The following C12orf42 variants were observed in gnomAD, a reference collection of about 807,000 sequenced individuals.
C12orf42 encodes chromosome 12 open reading frame 42.
C12orf42 carries 25 observed loss-of-function variants against 21.6 expected under a neutral mutation model. The ratio of observed to expected loss-of-function variants is 1.16; its 90% CI spans 0.84 to 1.62. C12orf42 has a LOEUF of 1.62. Among genes scored for constraint, C12orf42 ranks in the 40% most tolerant of loss-of-function variants. C12orf42 has a pLI of 0.00. For missense variants in C12orf42, 483 were observed against 459.3 expected, an observed-to-expected ratio of 1.05 and a Z score of -0.47; for synonymous variants, 174 against 175.0, an observed-to-expected ratio of 0.99 and a Z score of 0.05.
intron 3 of C12orf42, among the ~76,000 whole-genome samples, chr12:103,375,781 T>A (rs1382556467): frequency 1.3e-5 from 2 of 152,194 alleles, no homozygotes; most frequent in Non-Finnish European, 2.9e-5. Context: ...CCACAAATTA[T>A]GTAGCTTGCC....
intron 4 of C12orf42, among the ~76,000 whole-genome samples, chr12:103,279,221 G>A (rs1049210800): frequency 6.6e-6 from 1 of 152,092 alleles, no homozygotes; most frequent in Non-Finnish European, 1.5e-5. Context: ...CAAGTTAAGT[G>A]TTCTTACTGC....
Position 103,369,021 on chromosome 12 carries a change from A to G in C12orf42, c.148-23T>C, listed in dbSNP as rs79550716. ...GTGCTGTAAGATAGAGGAGAAAAAT[A>G]CACACAAAAAAATTAGGTCAATGGC... On this transcript the variant is annotated intron_variant, in intron 3 of 5. Transcript: ENST00000548883. The G allele has an allele frequency of 3.2e-3, 4,399 of 1,383,862 alleles. 131 individuals are homozygous for G. In the African/African-American group the frequency reaches 0.056, roughly 18 times the overall value. The allele number at this position is 1,383,862 out of a possible 1,614,324, so 85.7% of individuals were successfully genotyped here.
chr12:103,353,889 A>G (rs1240958495), intron 4 of C12orf42, among the ~76,000 whole-genome samples: 1 of 152,168 alleles, frequency 6.6e-6, no homozygotes, highest in Non-Finnish European at 1.5e-5. Flanking sequence ...CACAAGCTTT[A>G]GTGTGAGAGG....
chr12:103,071,130 T>A, the C12orf42 span, among the ~76,000 whole-genome samples: 8 of 152,126 alleles, frequency 5.3e-5, no homozygotes, highest in Non-Finnish European at 7.3e-5. Flanking sequence ...TAATTCACAC[T>A]CAAATTGCTT....
chr12:103,374,963 C>T (rs559940893), intron 3 of C12orf42, among the ~76,000 whole-genome samples: 13 of 152,264 alleles, frequency 8.5e-5, no homozygotes, highest in East Asian at 3.9e-4. Flanking sequence ...AGGTAATTTA[C>T]GTATTCCAGA....
At chr12:103,526,746 T>C in the C12orf42 span, among the ~76,000 whole-genome samples, 489 of 152,296 alleles carry the variant, frequency 3.2e-3, 3 homozygotes, top group Non-Finnish European at 4.8e-3. Context: ...AAAAGAAAGC[T>C]GTTAACAAGG....
the C12orf42 span, among the ~76,000 whole-genome samples, chr12:103,529,449 T>C: frequency 2.6e-5 from 4 of 152,226 alleles, no homozygotes; most frequent in Admixed American, 1.3e-4. Context: ...GTTAATGAAC[T>C]ATTTCAACAG....
chr12:103,219,818 G>A, the C12orf42 span, among the ~76,000 whole-genome samples: 1 of 152,188 alleles, frequency 6.6e-6, no homozygotes, highest in African/African-American at 2.4e-5. Flanking sequence ...TGGTGGAAGT[G>A]TAAATTAGTT....
chr12:103,517,336 C>T, the C12orf42 span, among the ~76,000 whole-genome samples: 2 of 152,158 alleles, frequency 1.3e-5, no homozygotes, highest in African/African-American at 4.8e-5. Flanking sequence ...TTGTCCCTTC[C>T]ATCTGTGAGT....
chr12:103,458,276 C>A (rs1190996858), intron 2 of C12orf42, among the ~76,000 whole-genome samples: 2 of 152,064 alleles, frequency 1.3e-5, no homozygotes, highest in Admixed American at 1.3e-4. Flanking sequence ...AGAAGGAGAA[C>A]TTACCCTCTC....
At chr12:103,348,562 G>A (rs2137401156) in intron 4 of C12orf42, among the ~76,000 whole-genome samples, 1 of 152,248 alleles carries the variant, frequency 6.6e-6, no homozygotes, top group Non-Finnish European at 1.5e-5. Context: ...TTCATACAAT[G>A]TTACCTATAA....
chr12:103,447,574 G>A (rs550630467), intron 2 of C12orf42, among the ~76,000 whole-genome samples: 1 of 151,962 alleles, frequency 6.6e-6, no homozygotes, highest in South Asian at 2.1e-4. Flanking sequence ...TCTTAAAACT[G>A]GCAAATGAAT....
chr12:103,067,125 G>A, the C12orf42 span, among the ~76,000 whole-genome samples: 3 of 152,208 alleles, frequency 2.0e-5, no homozygotes, highest in Non-Finnish European at 4.4e-5. Context: ...CTACCTGATG[G>A]CAGGTTGATT....
the C12orf42 span, among the ~76,000 whole-genome samples, chr12:103,521,081 G>A: frequency 6.6e-6 from 1 of 152,138 alleles, no homozygotes; most frequent in Non-Finnish European, 1.5e-5. Flanking sequence ...GGCATGCACT[G>A]TGCTGCATTA....
chr12:103,289,848 T>A (rs1273216325), intron 4 of C12orf42, among the ~76,000 whole-genome samples: 1 of 152,228 alleles, frequency 6.6e-6, no homozygotes, highest in African/African-American at 2.4e-5. Flanking sequence ...TGTCATTGGG[T>A]TATTAAGCTA....
At chr12:103,061,805 A>AT in the C12orf42 span, among the ~76,000 whole-genome samples, 10 of 150,976 alleles carry the variant, frequency 6.6e-5, no homozygotes, top group East Asian at 1.9e-4. Context: ...TTTTTACCTG[A>AT]TTTTTTTTAA....
the C12orf42 span, among the ~76,000 whole-genome samples, chr12:103,518,083 A>G: frequency 6.6e-5 from 10 of 152,198 alleles, no homozygotes; most frequent in Non-Finnish European, 1.5e-4. Context: ...ATCAGAATAT[A>G]AGAGTTACAG....
At chr12:103,411,158 C>T (rs1593878883) in intron 2 of C12orf42, among the ~76,000 whole-genome samples, 1 of 152,186 alleles carries the variant, frequency 6.6e-6, no homozygotes, top group East Asian at 1.9e-4. Context: ...GATTCATTTG[C>T]CAGCCTTATC....
chr12:103,311,915 AT>A (rs1473559566), intron 4 of C12orf42, among the ~76,000 whole-genome samples: 2 of 152,192 alleles, frequency 1.3e-5, no homozygotes. Flanking sequence ...CTCATCAGAG[AT>A]TTCAGGTGCT....
Sources: allele counts gnomAD v4.1 joint callset (sites outside exome capture counted in the v4.1 genomes callset), GRCh38; gene constraint gnomAD v4.1.1; transcripts MANE v1.5; gene names NCBI Gene and HGNC (gene_info 2026-07-23, HGNC 2026-07-21).